Variants in KCNQ1OT1 observed in about 807,000 individuals in gnomAD.
KCNQ1OT1 encodes the protein KCNQ1 opposite strand/antisense transcript 1.
In KCNQ1OT1 at chr11:2,660,722, C is replaced by T. The variant is rs1849937942; in HGVS notation, n.39273G>A. The T allele has an allele frequency of 1.0e-5, 4 of 398,496 alleles. No individual in the cohort carries two copies. The South Asian group carries it at 3.8e-4, about 38-fold the overall frequency. 24.7% of individuals were successfully genotyped at this position (398,496 alleles called of 1,614,324 possible). A position where few individuals can be genotyped will look rare whatever the true frequency, so the allele number is the denominator to read the frequency against. Reference sequence around the variant, plus strand: ...TGACAACCTTCATTCGGGCTTCATTCAACACTTCATTCAGGCATGGATGTG... The same window carrying T: ...TGACAACCTTCATTCGGGCTTCATTTAACACTTCATTCAGGCATGGATGTG... On this transcript the variant is annotated non_coding_transcript_exon_variant, in exon 1 of 1. Transcript: ENST00000597346.
At chr11:2,637,921 C>A (rs1475671093) in exon 1 of KCNQ1OT1, 1 of 152,206 alleles carries the variant, frequency 6.6e-6, no homozygotes, top group African/African-American at 2.4e-5. Context: ...GAATTGATCC[C>A]TTTACCATTA....
At chr11:2,699,458 C>CG (rs1238626824) in exon 1 of KCNQ1OT1, 1 of 400,150 alleles carries the variant, frequency 2.5e-6, no homozygotes, top group East Asian at 3.7e-5. Flanking sequence ...GAGGAGCCGC[C>CG]GGGAGAGTGC....
chr11:2,639,254 C>G (rs369883039), exon 1 of KCNQ1OT1: 1 of 152,166 alleles, frequency 6.6e-6, no homozygotes, highest in African/African-American at 2.4e-5. Flanking sequence ...CCATTGCTGG[C>G]GAGTGGCTGC....
At chr11:2,622,369 GCTTT>G in exon 1 of KCNQ1OT1, 4 of 398,046 alleles carry the variant, frequency 1.0e-5, no homozygotes, top group Non-Finnish European at 1.8e-5. Flanking sequence ...ATTACCTCCA[GCTTT>G]CTTTAGGTTA....
Position 2,670,831 on chromosome 11 carries a change from C to A in KCNQ1OT1, n.29164G>T, listed in dbSNP as rs1279942667. 8 of 398,458 alleles carry A rather than the reference C, an allele frequency of 2.0e-5. No homozygotes were observed. The highest frequency in any genetic ancestry group is 1.3e-4 in the Admixed American group (3 of 22,722). The allele number at this position is 398,458 out of a possible 1,614,324, so 24.7% of individuals were successfully genotyped here. A position where few individuals can be genotyped will look rare whatever the true frequency, so the allele number is the denominator to read the frequency against. On this transcript the variant is annotated non_coding_transcript_exon_variant, in exon 1 of 1. Transcript: ENST00000597346. This position sits in a 1 kb window ranked among gnomAD's most constrained non-coding sequence, Gnocchi z 4.9. ...TATGTGCATCATAAACCTGGTGCCA[C>A]CAGCCAAGGAGGTCAAAGGTCCTCA...
exon 1 of KCNQ1OT1, chr11:2,649,417 C>T (rs1849723929): frequency 2.5e-6 from 1 of 398,412 alleles, no homozygotes; most frequent in Non-Finnish European, 4.4e-6. Flanking sequence ...TAGATATCAT[C>T]CTCCTACTTC....
In KCNQ1OT1 at chr11:2,647,630, G is replaced by A. The variant is rs372052163; in HGVS notation, n.52365C>T. The A allele has an allele frequency of 1.7e-4, 69 of 398,388 alleles. No individual in the cohort carries two copies. The South Asian group carries it at 1.8e-3, about 10-fold the overall frequency. The allele number at this position is 398,388 out of a possible 1,614,324, so 24.7% of individuals were successfully genotyped here. A position where few individuals can be genotyped will look rare whatever the true frequency, so the allele number is the denominator to read the frequency against. On this transcript the variant is annotated non_coding_transcript_exon_variant, in exon 1 of 1. Coordinates refer to ENST00000597346, the Ensembl canonical transcript of KCNQ1OT1. The surrounding 1 kb of genome is among the most constrained non-coding windows in gnomAD (Gnocchi z 4.0). ...CAGTAGAAAACCCGTGCAATCCTGA[G>A]GTTTTCTTTACTGGGAGACTTTATT...
chr11:2,673,765 G>A lies in KCNQ1OT1; in HGVS notation n.26230C>T, dbSNP rs1003056710. 4.0e-5 allele frequency: 16 copies of A among 398,400 alleles called. No individual in the cohort carries two copies. The highest frequency in any genetic ancestry group is 2.5e-4 in the South Asian group (2 of 7,856). The allele number at this position is 398,400 out of a possible 1,614,324, so 24.7% of individuals were successfully genotyped here. ...GGAAGGGGTACAGTCCCTTCTTGCT[G>A]GTATGTTGGGAAGCTCTGGTGCAAA... On this transcript the variant is annotated non_coding_transcript_exon_variant, in exon 1 of 1. Transcript: ENST00000597346. The surrounding 1 kb of genome is among the most constrained non-coding windows in gnomAD (Gnocchi z 4.5).
chr11:2,634,331 C>A (rs1849418003), exon 1 of KCNQ1OT1: 2 of 270,616 alleles, frequency 7.4e-6, no homozygotes, highest in Non-Finnish European at 1.4e-5. Flanking sequence ...CCCCCCTCCC[C>A]CCCCACCCCA....
At chr11:2,646,195 A>ATT (rs1849662881) in exon 1 of KCNQ1OT1, 1 of 398,388 alleles carries the variant, frequency 2.5e-6, no homozygotes, top group African/African-American at 2.1e-5. Context: ...TACTTGCTAT[A>ATT]TTTTGTGGAG....
At chr11:2,640,852 G>A (rs1849565037) in exon 1 of KCNQ1OT1, 5 of 399,130 alleles carry the variant, frequency 1.3e-5, no homozygotes, top group Non-Finnish European at 4.4e-6. Flanking sequence ...CACAGCCTTT[G>A]GTATCTATCC....
chr11:2,662,798 G>A (rs1244467749), exon 1 of KCNQ1OT1: 1 of 399,070 alleles, frequency 2.5e-6, no homozygotes, highest in East Asian at 3.6e-5. Flanking sequence ...TTTGTGTCAA[G>A]ATCTGTGAGT....
Position 2,661,772 on chromosome 11 carries a change from C to A in KCNQ1OT1, n.38223G>T. On this transcript the variant is annotated non_coding_transcript_exon_variant, in exon 1 of 1. Coordinates refer to ENST00000597346, the Ensembl canonical transcript of KCNQ1OT1. The surrounding 1 kb of genome is among the most constrained non-coding windows in gnomAD (Gnocchi z 5.9). Reference sequence around the variant, plus strand: ...TTATTCTCCTCAGACACTGAGGTGTCAGGCACTTTGGGGCCATCTTAAACA... The same window carrying A: ...TTATTCTCCTCAGACACTGAGGTGTAAGGCACTTTGGGGCCATCTTAAACA... 1 of 665,120 alleles carries A rather than the reference C, an allele frequency of 1.5e-6. No individual in the cohort carries two copies. The highest frequency in any genetic ancestry group is 1.7e-5 in the South Asian group (1 of 57,942). 41.2% of individuals were successfully genotyped at this position (665,120 alleles called of 1,614,324 possible). A position where few individuals can be genotyped will look rare whatever the true frequency, so the allele number is the denominator to read the frequency against.
rs1180968814 is a variant in KCNQ1OT1, at chr11:2,645,651, G to A, written n.54344C>T. ...CTTTCCTCATGGCAGCCTTGCTTCG[G>A]AGGTAGCAGAGTATTGCCAATGGCT... On this transcript the variant is annotated non_coding_transcript_exon_variant, in exon 1 of 1. Coordinates refer to ENST00000597346, the Ensembl canonical transcript of KCNQ1OT1. This position sits in a 1 kb window ranked among gnomAD's most constrained non-coding sequence, Gnocchi z 5.8. 2.5e-6 allele frequency: 1 copy of A among 398,640 alleles called. No individual in the cohort carries two copies. The highest frequency in any genetic ancestry group is 4.4e-6 in the Non-Finnish European group (1 of 226,184). 24.7% of individuals were successfully genotyped at this position (398,640 alleles called of 1,614,324 possible).
chr11:2,667,772 A>G (rs1349748829), exon 1 of KCNQ1OT1: 10 of 398,578 alleles, frequency 2.5e-5, no homozygotes, highest in Non-Finnish European at 4.0e-5. Flanking sequence ...CCTGAAGGCC[A>G]GGGCTATCCA....
At chr11:2,609,693 T>C (rs1848946245) in exon 1 of KCNQ1OT1, 2 of 398,412 alleles carry the variant, frequency 5.0e-6, no homozygotes, top group Admixed American at 4.4e-5. Context: ...TTCTTATGTT[T>C]TAGTTCTCTA....
Position 2,611,557 on chromosome 11 carries a change from G to A in KCNQ1OT1, n.88438C>T, listed in dbSNP as rs953411391. 3.5e-5 allele frequency: 14 copies of A among 398,358 alleles called. No homozygotes were observed. Among genetic ancestry groups the A allele is most frequent in the Non-Finnish European group, 6.2e-5 (14 of 226,074 alleles). 24.7% of individuals were successfully genotyped at this position (398,358 alleles called of 1,614,324 possible). A position where few individuals can be genotyped will look rare whatever the true frequency, so the allele number is the denominator to read the frequency against. On this transcript the variant is annotated non_coding_transcript_exon_variant, in exon 1 of 1. Coordinates refer to ENST00000597346, the Ensembl canonical transcript of KCNQ1OT1. The surrounding 1 kb of genome is among the most constrained non-coding windows in gnomAD (Gnocchi z 5.3). ...CAGTCACTCTAGCTTTCTTATTACT[G>A]TTTGCATGTCATCTTTTTCCATCAT...
Position 2,674,832 on chromosome 11 carries a change from TAAAAAAAAAAAAAA to T in KCNQ1OT1, n.25149_25162del. On this transcript the variant is annotated non_coding_transcript_exon_variant, in exon 1 of 1. Coordinates refer to ENST00000597346, the Ensembl canonical transcript of KCNQ1OT1. This position sits in a 1 kb window ranked among gnomAD's most constrained non-coding sequence, Gnocchi z 5.9. ...GCTTGTCACCCTAATAGCTGTTTTTTAAAAAAAAAAAAAAAAAAAAAAAAAAAAGCTCACTGGGC... is the reference window on the plus strand; with the variant it reads ...GCTTGTCACCCTAATAGCTGTTTTTTAAAAAAAAAAAAAAGCTCACTGGGC... The T allele has an allele frequency of 3.3e-6, 1 of 303,392 alleles. No individual in the cohort carries two copies. Among genetic ancestry groups the T allele is most frequent in the East Asian group, 4.8e-5 (1 of 20,780 alleles). 18.8% of individuals were successfully genotyped at this position (303,392 alleles called of 1,614,324 possible).
exon 1 of KCNQ1OT1, chr11:2,697,423 G>A: frequency 2.5e-6 from 1 of 398,442 alleles, no homozygotes; most frequent in Admixed American, 4.4e-5. Flanking sequence ...GACATCCTTG[G>A]CCTACTCCTT....
Sources: gnomAD v4.1 joint callset for allele counts on GRCh38, gnomAD v4.1.1 for gene constraint, Gnocchi (gnomAD v3.1) non-coding constraint, MANE v1.5 for transcripts, NCBI Gene and HGNC (gene_info 2026-07-23, HGNC 2026-07-21) for gene names.